Variants in ABAT observed in about 807,000 individuals in gnomAD.
ABAT encodes 4-aminobutyrate aminotransferase, mitochondrial.
A neutral mutation model predicts 64.6 loss-of-function variants in ABAT; 45 were observed. The observed-to-expected ratio is 0.70, with a 90% CI of 0.55 to 0.89. ABAT has a LOEUF of 0.89. Ranked by LOEUF, ABAT falls within the 40% of genes least tolerant of loss-of-function variation. The pLI, the probability that ABAT is intolerant of heterozygous loss-of-function variation, is 0.00. For synonymous variants in ABAT, 297 were observed against 250.5 expected, an observed-to-expected ratio of 1.19 and a Z score of -1.75; for missense variants, 633 against 658.4, an observed-to-expected ratio of 0.96 and a Z score of 0.42.
At chr16:8,722,931 A>T (rs1343033715) in intron 1 of ABAT, 33 of 1,188,868 alleles carry the variant, frequency 2.8e-5, no homozygotes, top group Non-Finnish European at 3.5e-5. Flanking sequence ...TTAGAGTCCG[A>T]ACGGGCCTTA....
At chr16:8,711,726 A>ATTGGATGGATGGATG (rs1489993719) in intron 1 of ABAT, among the ~76,000 whole-genome samples, 4 of 94,808 alleles carry the variant, frequency 4.2e-5, no homozygotes, top group East Asian at 3.5e-4. Flanking sequence ...ATGGATGGGA[A>ATTGGATGGATGGATG]GATGGATGGG....
chr16:8,698,809 G>C (rs1317766973), intron 1 of ABAT, among the ~76,000 whole-genome samples: 1 of 152,266 alleles, frequency 6.6e-6, no homozygotes, highest in South Asian at 2.1e-4. Context: ...AACCAGGCTT[G>C]GTGGCACACA....
At chr16:8,690,617 A>G (rs2057557863) in intron 1 of ABAT, among the ~76,000 whole-genome samples, 1 of 152,178 alleles carries the variant, frequency 6.6e-6, no homozygotes, top group African/African-American at 2.4e-5. Flanking sequence ...AGCGGATCCG[A>G]TGATTTATCC....
At chr16:8,693,118 G>A (rs1431963160) in intron 1 of ABAT, among the ~76,000 whole-genome samples, 1 of 152,164 alleles carries the variant, frequency 6.6e-6, no homozygotes, top group African/African-American at 2.4e-5. Context: ...GACTCCCAAA[G>A]TGTTGGGATT....
At chr16:8,718,047 G>A (rs950045652) in intron 1 of ABAT, among the ~76,000 whole-genome samples, 2 of 152,194 alleles carry the variant, frequency 1.3e-5, no homozygotes, top group Non-Finnish European at 2.9e-5. Context: ...TTTGAAGACT[G>A]GCTCTGCCGT....
intron 1 of ABAT, among the ~76,000 whole-genome samples, chr16:8,684,088 G>T (rs1348786855): frequency 6.6e-6 from 1 of 152,188 alleles, no homozygotes. Context: ...AGTGCCGAAG[G>T]TGTGTGGGAG....
rs374403235 is a variant in ABAT, at chr16:8,725,062, G to A, written c.-41-10637G>A. On this transcript the variant is annotated intron_variant, in intron 1 of 15. Transcript: ENST00000268251. ...CTCCAAAGTAGCTGGGATTACAGGC[G>A]CCTGCCACCACGCCCGGCTAATTTT... Among the ~76,000 whole-genome samples the A allele has an allele frequency of 3.2e-4, 49 of 151,988 alleles. 1 individual carries two copies. The East Asian group carries it at 7.6e-3, about 24-fold the overall frequency.
chr16:8,681,458 C>CTTTTT (rs34327953), intron 1 of ABAT, among the ~76,000 whole-genome samples: 1 of 133,730 alleles, frequency 7.5e-6, no homozygotes, highest in East Asian at 2.2e-4. Flanking sequence ...AGCCTCTACA[C>CTTTTT]TTTTTTTTTT....
intron 9 of ABAT, among the ~76,000 whole-genome samples, chr16:8,766,970 AAAAAC>A (rs1265294065): frequency 6.6e-6 from 1 of 152,186 alleles, no homozygotes; most frequent in African/African-American, 2.4e-5. Flanking sequence ...ACTCCATCTC[AAAAAC>A]AAAACAAAAC....
intron 1 of ABAT, among the ~76,000 whole-genome samples, chr16:8,702,880 G>A (rs1240821379): frequency 5.3e-5 from 8 of 152,106 alleles, no homozygotes; most frequent in Non-Finnish European, 8.8e-5. Context: ...AGGACACGGC[G>A]GGAGCCCTGG....
At chr16:8,677,408 G>C (rs888061463) in intron 1 of ABAT, among the ~76,000 whole-genome samples, 4 of 152,224 alleles carry the variant, frequency 2.6e-5, no homozygotes, top group Non-Finnish European at 5.9e-5. Flanking sequence ...AGATGGAGTA[G>C]AGAGTTGGCC....
chr16:8,699,484 G>A (rs2057772661), intron 1 of ABAT, among the ~76,000 whole-genome samples: 1 of 152,054 alleles, frequency 6.6e-6, no homozygotes, highest in Non-Finnish European at 1.5e-5. Flanking sequence ...CTTGAACCTG[G>A]GAATCAGAGG....
rs537753716 is a variant in ABAT, at chr16:8,749,559, C to T, written c.199-863C>T. Among the ~76,000 whole-genome samples, 11 of 150,980 alleles carry T rather than the reference C, an allele frequency of 7.3e-5. No individual in the cohort carries two copies. In the East Asian group the frequency reaches 1.9e-3, roughly 27 times the overall value. ...GATTACAGGTGCCCGCCACTATGCC[C>T]GGCTAATTTTTGTATTTTTAGTAGA... On this transcript the variant is annotated intron_variant, in intron 4 of 15. Coordinates refer to ENST00000268251, the MANE Select transcript of ABAT (RefSeq NM_020686.6).
At chr16:8,759,490 A>T (rs1331477232) in intron 6 of ABAT, among the ~76,000 whole-genome samples, 2 of 151,236 alleles carry the variant, frequency 1.3e-5, no homozygotes, top group Admixed American at 6.6e-5. Context: ...CTTTTAACAG[A>T]TTGCTGTATT....
intron 14 of ABAT, among the ~76,000 whole-genome samples, chr16:8,778,296 C>T (rs920630063): frequency 1.1e-4 from 16 of 152,306 alleles, no homozygotes; most frequent in African/African-American, 3.6e-4. Context: ...AAGGTTTCAG[C>T]AGAGTTGGCT....
intron 11 of ABAT, among the ~76,000 whole-genome samples, chr16:8,771,501 C>T (rs1421913845): frequency 7.1e-6 from 1 of 140,264 alleles, no homozygotes; most frequent in Non-Finnish European, 1.5e-5. Flanking sequence ...GAGTTTCACT[C>T]TCTTGCCCAG....
intron 5 of ABAT, among the ~76,000 whole-genome samples, chr16:8,752,124 C>A (rs776952929): frequency 1.3e-5 from 2 of 152,224 alleles, no homozygotes; most frequent in African/African-American, 2.4e-5. Context: ...GGCTGTCCCC[C>A]CTCCTCTTCT....
intron 5 of ABAT, chr16:8,757,254 G>C (rs575440778): frequency 4.5e-4 from 197 of 436,450 alleles, no homozygotes; most frequent in Non-Finnish European, 7.4e-4. Context: ...TGCAACCTCC[G>C]CCTCTTGTGT....
At chr16:8,738,628 G>T (rs201922810) in intron 2 of ABAT, among the ~76,000 whole-genome samples, 33,469 of 121,234 alleles carry the variant, frequency 0.28, 5,724 homozygotes, top group African/African-American at 0.48. Context: ...TTTTGTTTTT[G>T]TTTTTTTTTT....
Sources: allele counts gnomAD v4.1 joint callset (sites outside exome capture counted in the v4.1 genomes callset), GRCh38; gene constraint gnomAD v4.1.1; transcripts MANE v1.5; gene names NCBI Gene and HGNC (gene_info 2026-07-23, HGNC 2026-07-21).